Variants in PRKCB observed in about 807,000 individuals in gnomAD.
PRKCB encodes the protein protein kinase C beta type.
A neutral mutation model predicts 81.5 loss-of-function variants in PRKCB; 13 were observed. That is an observed-to-expected ratio of 0.16 (90% CI 0.10 to 0.25). The LOEUF (loss-of-function observed/expected upper bound fraction) is 0.25. PRKCB is among the 10% of genes least tolerant of loss of function. The pLI, the probability that PRKCB is intolerant of heterozygous loss-of-function variation, is 1.00. For missense variants in PRKCB, 509 were observed against 875.7 expected, an observed-to-expected ratio of 0.58 and a Z score of 5.29; for synonymous variants, 335 against 321.4, an observed-to-expected ratio of 1.04 and a Z score of -0.45.
chr16:23,857,673 G>A (rs72777931), intron 2 of PRKCB, among the ~76,000 whole-genome samples: 1,607 of 152,202 alleles, frequency 0.011, 13 homozygotes, highest in Non-Finnish European at 0.014. Flanking sequence ...AATGAAATCC[G>A]GGCTAGGCTT....
At chr16:24,011,430 G>A (rs1449246303) in intron 3 of PRKCB, among the ~76,000 whole-genome samples, 1 of 152,218 alleles carries the variant, frequency 6.6e-6, no homozygotes, top group Non-Finnish European at 1.5e-5. Context: ...AATAAAGAGT[G>A]TGGACTTTGG....
rs556570127 is a variant in PRKCB at position 24,144,884 on chromosome 16, C to T, written c.1066-9800C>T. Among the ~76,000 whole-genome samples the T allele has an allele frequency of 3.1e-4, 47 of 152,316 alleles. 1 individual carries two copies. The highest frequency in any genetic ancestry group is 2.9e-3 in the South Asian group (14 of 4,826). On this transcript the variant is annotated intron_variant, in intron 9 of 16. Coordinates refer to ENST00000643927, the MANE Select transcript of PRKCB (RefSeq NM_002738.7). ...TGTGTGCTAGATGTTGGGGACATGA[C>T]AGTGGGCAGCTCAAAGAAAATGCCT...
chr16:23,878,080 C>T (rs1479754161), intron 2 of PRKCB, among the ~76,000 whole-genome samples: 1 of 152,172 alleles, frequency 6.6e-6, no homozygotes, highest in Non-Finnish European at 1.5e-5. Flanking sequence ...GTGATCCACC[C>T]ACCTGGGCCT....
chr16:23,844,324 T>C (rs548919862), intron 2 of PRKCB, among the ~76,000 whole-genome samples: 1 of 152,348 alleles, frequency 6.6e-6, no homozygotes, highest in East Asian at 1.9e-4. Context: ...AGTGTTTACA[T>C]ATGGCATTTG....
intron 2 of PRKCB, among the ~76,000 whole-genome samples, chr16:23,923,194 A>G (rs1963850435): frequency 6.6e-6 from 1 of 152,036 alleles, no homozygotes; most frequent in Admixed American, 6.6e-5. Flanking sequence ...CCTTTATAAA[A>G]CCAAAAAGTC....
At chr16:23,904,477 A>C (rs1316625129) in intron 2 of PRKCB, among the ~76,000 whole-genome samples, 1 of 152,164 alleles carries the variant, frequency 6.6e-6, no homozygotes, top group African/African-American at 2.4e-5. Context: ...AGCCTGGCCA[A>C]CATGGCGAAA....
chr16:24,154,351 G>A (rs1596572174), intron 9 of PRKCB, among the ~76,000 whole-genome samples: 1 of 152,086 alleles, frequency 6.6e-6, no homozygotes, highest in Admixed American at 6.6e-5. Context: ...GGACATGGTG[G>A]CACTTACCTG....
intron 2 of PRKCB, among the ~76,000 whole-genome samples, chr16:23,965,557 A>G (rs974417973): frequency 3.3e-5 from 5 of 152,236 alleles, no homozygotes; most frequent in African/African-American, 7.2e-5. Context: ...ATAATCATCA[A>G]TGATGAATTT....
chr16:23,839,452 C>G (rs947941508), intron 2 of PRKCB, among the ~76,000 whole-genome samples: 2 of 152,016 alleles, frequency 1.3e-5, no homozygotes, highest in Non-Finnish European at 2.9e-5. Flanking sequence ...TTTAAAACAA[C>G]TTTTGTAGAG....
chr16:24,196,446 T>C (rs1967881094), intron 16 of PRKCB, among the ~76,000 whole-genome samples: 1 of 152,230 alleles, frequency 6.6e-6, no homozygotes, highest in Non-Finnish European at 1.5e-5. Flanking sequence ...GGTTTTGCAG[T>C]GTGTGCTGGG....
At chr16:23,895,185 A>G (rs1963358382) in intron 2 of PRKCB, among the ~76,000 whole-genome samples, 2 of 152,202 alleles carry the variant, frequency 1.3e-5, no homozygotes, top group Non-Finnish European at 2.9e-5. Context: ...TTATTAGCAT[A>G]AAACTATATA....
intron 3 of PRKCB, among the ~76,000 whole-genome samples, chr16:24,021,002 T>TTC (rs1295762249): frequency 9.3e-5 from 13 of 139,954 alleles, no homozygotes; most frequent in African/African-American, 3.3e-4. Flanking sequence ...CTTTCTTTCT[T>TTC]TCTTTCTTTC....
In PRKCB at chr16:23,914,371, T is replaced by C. The variant is rs556161727; in HGVS notation, c.206-74137T>C. ...TCATTGGCATTTGTGGATTTGGCAG[T>C]GGTGGTTCCTTTTCTCATTAGCTAC... On this transcript the variant is annotated intron_variant, in intron 2 of 16. Coordinates refer to ENST00000643927, the MANE Select transcript of PRKCB (RefSeq NM_002738.7). 3.0e-4 allele frequency among the ~76,000 whole-genome samples: 46 copies of C among 152,208 alleles called. 1 individual carries two copies. The South Asian group carries it at 6.7e-3, about 22-fold the overall frequency.
intron 2 of PRKCB, among the ~76,000 whole-genome samples, chr16:23,911,350 A>G (rs747607564): frequency 1.0e-4 from 15 of 148,864 alleles, no homozygotes; most frequent in East Asian, 2.0e-4. Context: ...CTGTTCTTCA[A>G]CTCCTGAGCT....
intron 2 of PRKCB, among the ~76,000 whole-genome samples, chr16:23,891,864 GA>G (rs1963300454): frequency 6.6e-6 from 1 of 152,208 alleles, no homozygotes; most frequent in Admixed American, 6.5e-5. Flanking sequence ...AGACAGCACA[GA>G]AATTTTGCAG....
chr16:24,109,113 A>G (rs1374449467), intron 7 of PRKCB, among the ~76,000 whole-genome samples: 1 of 139,696 alleles, frequency 7.2e-6, no homozygotes, highest in Non-Finnish European at 1.6e-5. Flanking sequence ...GGCCGGGCAG[A>G]GGCGCCCCTC....
chr16:24,142,959 G>A (rs760593428), intron 9 of PRKCB, among the ~76,000 whole-genome samples: 2 of 152,074 alleles, frequency 1.3e-5, no homozygotes, highest in Non-Finnish European at 2.9e-5. Flanking sequence ...TAGGGGTCGT[G>A]TGGTCCCCCG....
At chr16:24,030,807 A>C (rs186156211) in intron 3 of PRKCB, among the ~76,000 whole-genome samples, 25 of 152,222 alleles carry the variant, frequency 1.6e-4, no homozygotes, top group Admixed American at 1.6e-3. Flanking sequence ...CTGAGACAGA[A>C]GAATCACTTG....
At chr16:24,115,716 ATTTTG>A (rs913491749) in intron 8 of PRKCB, among the ~76,000 whole-genome samples, 1 of 151,496 alleles carries the variant, frequency 6.6e-6, no homozygotes, top group Non-Finnish European at 1.5e-5. Flanking sequence ...TATCCCAAGG[ATTTTG>A]TTTTGTTTTG....
Sources: allele counts gnomAD v4.1 joint callset (sites outside exome capture counted in the v4.1 genomes callset), GRCh38; gene constraint gnomAD v4.1.1; transcripts MANE v1.5; gene names NCBI Gene and HGNC (gene_info 2026-07-23, HGNC 2026-07-21).